The following PRUNE2 variants were observed in gnomAD, a reference collection of about 807,000 sequenced individuals.
PRUNE2 encodes the protein prune homolog 2 with BCH domain.
A neutral mutation model predicts 252.0 loss-of-function variants in PRUNE2; 164 were observed. The ratio of observed to expected loss-of-function variants is 0.65; its 90% confidence interval spans 0.57 to 0.74. The LOEUF is 0.74. PRUNE2 is among the 30% of genes least tolerant of loss of function. The probability of loss-of-function intolerance (pLI) is 0.00; values close to 1 mark genes in which losing one functional copy is unlikely to be tolerated. For synonymous variants in PRUNE2, 1,292 were observed against 1,350.2 expected, an observed-to-expected ratio of 0.96 and a Z score of 0.94; for missense variants, 3,495 against 3,711.0, an observed-to-expected ratio of 0.94 and a Z score of 1.51.
chr9:76,859,889 T>C (rs1054732069), intron 1 of PRUNE2, among the ~76,000 whole-genome samples: 1 of 152,082 alleles, frequency 6.6e-6, no homozygotes, highest in Non-Finnish European at 1.5e-5. Flanking sequence ...TTAGTAGAGA[T>C]GGGGTTTCAC....
chr9:76,766,697 A>G lies in PRUNE2; in HGVS notation c.757-52976T>C, dbSNP rs2052431796. 4.0e-5 allele frequency among the ~76,000 whole-genome samples: 6 copies of G among 151,870 alleles called. No individual in the cohort carries two copies. The South Asian group carries it at 1.2e-3, about 32-fold the overall frequency. Reference sequence around the variant, plus strand: ...ACACTCGTCTTCTTCAAACATGTCAATTTTGCTCCTGCTTTAGGGCCTTAG... The same window carrying G: ...ACACTCGTCTTCTTCAAACATGTCAGTTTTGCTCCTGCTTTAGGGCCTTAG... On this transcript the variant is annotated intron_variant, in intron 6 of 18. Transcript: ENST00000376718.
At chr9:76,628,915 G>A (rs899796128) in intron 16 of PRUNE2, among the ~76,000 whole-genome samples, 1 of 151,246 alleles carries the variant, frequency 6.6e-6, no homozygotes, top group African/African-American at 2.4e-5. Context: ...CACGATCACA[G>A]CTCACTGCAG....
rs757663654 is a variant in PRUNE2 at position 76,705,216 on chromosome 9, T to A, written c.7058A>T (p.Glu2353Val). The change falls in exon 8 of 19, where the codon GAA becomes GTA. Residue 2353 changes from glutamate to valine, a missense_variant. Physicochemically the swap from Glu to Val is moderately radical, Grantham distance 121. Transcript: ENST00000376718. ...GATATTCTGGCCCATTACATCATAT[T>A]CAAAATCACCCCACGAGGCTTCAGA... ...CSSEASWGDFEYDVMGQNIDE... is the reference protein window; with the variant it reads ...CSSEASWGDFVYDVMGQNIDE... 5.6e-6 allele frequency: 9 copies of A among 1,613,926 alleles called. No individual in the cohort carries two copies. In the African/African-American group the frequency reaches 1.1e-4, roughly 19 times the overall value.
At chr9:76,824,395 T>G (rs560780548) in intron 5 of PRUNE2, among the ~76,000 whole-genome samples, 2 of 152,316 alleles carry the variant, frequency 1.3e-5, no homozygotes, top group East Asian at 3.9e-4. Context: ...TAAGCCCCCA[T>G]GTTTTCTAGT....
intron 6 of PRUNE2, among the ~76,000 whole-genome samples, chr9:76,720,184 T>C (rs2047510765): frequency 6.6e-6 from 1 of 152,224 alleles, no homozygotes; most frequent in African/African-American, 2.4e-5. Flanking sequence ...CAGTGTTAAC[T>C]GGAAGATAAT....
chr9:76,714,683 C>A (rs992640224), intron 6 of PRUNE2, among the ~76,000 whole-genome samples: 1 of 152,202 alleles, frequency 6.6e-6, no homozygotes, highest in Non-Finnish European at 1.5e-5. Context: ...AGGCGTAAGA[C>A]CGCACCCGGT....
At chr9:76,776,419 T>C (rs1305044674) in intron 6 of PRUNE2, among the ~76,000 whole-genome samples, 1 of 152,170 alleles carries the variant, frequency 6.6e-6, no homozygotes, top group African/African-American at 2.4e-5. Context: ...TTATTTCACA[T>C]AGGATAATGA....
chr9:76,634,799 G>T (rs996990487), intron 15 of PRUNE2, among the ~76,000 whole-genome samples: 3 of 152,122 alleles, frequency 2.0e-5, no homozygotes, highest in Non-Finnish European at 2.9e-5. Context: ...TGTTTTATAA[G>T]TGCTGAATTA....
chr9:76,623,820 C>A (rs927215785), intron 17 of PRUNE2, among the ~76,000 whole-genome samples: 1 of 152,136 alleles, frequency 6.6e-6, no homozygotes. Flanking sequence ...GCTTTAACAC[C>A]TTAGTGGTTC....
chr9:76,645,933 G>A (rs950944207), intron 11 of PRUNE2, among the ~76,000 whole-genome samples: 1 of 152,086 alleles, frequency 6.6e-6, no homozygotes, highest in Non-Finnish European at 1.5e-5. Context: ...GTACTAGTTG[G>A]TATTAAAATG....
chr9:76,693,098 C>T (rs1443259065), intron 9 of PRUNE2: 3 of 151,860 alleles, frequency 2.0e-5, no homozygotes, highest in African/African-American at 7.3e-5. Context: ...CTAAAAATGC[C>T]AGCAGATATA....
chr9:76,839,072 T>G lies in PRUNE2; in HGVS notation c.508+7443A>C, dbSNP rs763885704. On this transcript the variant is annotated intron_variant, in intron 4 of 18. Transcript: ENST00000376718. Reference sequence around the variant, plus strand: ...GCTAAAAATAGGAGTTTGTTTGTTTTTTTTTAAACTAGAAGGAACAACGTC... The same window carrying G: ...GCTAAAAATAGGAGTTTGTTTGTTTGTTTTTAAACTAGAAGGAACAACGTC... Among the ~76,000 whole-genome samples the G allele has an allele frequency of 3.0e-4, 45 of 152,240 alleles. 1 individual carries two copies. The highest frequency in any genetic ancestry group is 4.8e-4 in the Non-Finnish European group (33 of 68,044).
chr9:76,897,954 A>G (rs2062940543), intron 1 of PRUNE2, among the ~76,000 whole-genome samples: 3 of 152,014 alleles, frequency 2.0e-5, no homozygotes, highest in African/African-American at 7.3e-5. Flanking sequence ...TCATGTTTTT[A>G]TTACTGTGCC....
At chr9:76,878,633 T>C (rs946359813) in intron 1 of PRUNE2, among the ~76,000 whole-genome samples, 5 of 152,162 alleles carry the variant, frequency 3.3e-5, no homozygotes, top group Non-Finnish European at 4.4e-5. Flanking sequence ...ATCTGTAAAA[T>C]CTGCAAGGAC....
At chr9:76,766,144 C>T (rs2052356142) in intron 6 of PRUNE2, among the ~76,000 whole-genome samples, 2 of 149,400 alleles carry the variant, frequency 1.3e-5, no homozygotes, top group South Asian at 4.3e-4. Context: ...GATTGCGCCA[C>T]TGCACTCTAG....
chr9:76,885,129 G>A (rs898591822), intron 1 of PRUNE2, among the ~76,000 whole-genome samples: 7 of 151,450 alleles, frequency 4.6e-5, no homozygotes, highest in Non-Finnish European at 8.8e-5. Flanking sequence ...CAGAATAAAG[G>A]GGGAAAAAAA....
rs1564084980 is a variant in PRUNE2 at position 76,704,054 on chromosome 9, G to A, written c.7559C>T (p.Pro2520Leu). The part of the protein sequence containing the change: ...ISELEEEKTI[P>L]TKEPEQIKSE... ...TTTTATCTGCTCAGGCTCTTTGGTA[G>A]GAATTGTTTTTTCTTCTTCCAATTC... The change falls in exon 9 of 19, where the codon CCT becomes CTT. Residue 2520 changes from proline to leucine, a missense_variant. Pro to Leu is a moderately conservative substitution (Grantham distance 98). Transcript: ENST00000376718. The A allele has an allele frequency of 1.9e-6, 3 of 1,602,502 alleles. No individual in the cohort carries two copies. The highest frequency in any genetic ancestry group is 2.5e-6 in the Non-Finnish European group (3 of 1,176,628).
At chr9:76,839,649 G>A (rs12004116) in intron 4 of PRUNE2, among the ~76,000 whole-genome samples, 139,914 of 152,242 alleles carry the variant, frequency 0.92, 64,442 homozygotes, top group East Asian at 1. Flanking sequence ...GGTTGAAATG[G>A]CCTGACTTAC....
intron 1 of PRUNE2, among the ~76,000 whole-genome samples, chr9:76,860,835 A>T (rs1031188923): frequency 6.6e-6 from 1 of 152,190 alleles, no homozygotes; most frequent in Non-Finnish European, 1.5e-5. Context: ...AGAAAACCAG[A>T]AAGAAGGTGG....
Sources: allele counts gnomAD v4.1 joint callset (sites outside exome capture counted in the v4.1 genomes callset), GRCh38; gene constraint gnomAD v4.1.1; transcripts MANE v1.5; gene names NCBI Gene and HGNC (gene_info 2026-07-23, HGNC 2026-07-21).